Variants in OTUD7A observed in about 807,000 individuals in gnomAD.
The protein encoded by OTUD7A is OTU domain-containing protein 7A.
OTUD7A carries 12 observed loss-of-function variants against 65.7 expected under a neutral mutation model. The ratio of observed to expected loss-of-function variants is 0.18; its 90% CI spans 0.12 to 0.30. OTUD7A has a LOEUF of 0.30. Ranked by LOEUF, OTUD7A falls within the 10% of genes least tolerant of loss-of-function variation. The probability of loss-of-function intolerance (pLI) is 1.00; values close to 1 mark genes in which losing one functional copy is unlikely to be tolerated. For synonymous variants in OTUD7A, 641 were observed against 586.3 expected (o/e 1.09, Z -1.35); for missense variants, 1,148 against 1,304.8 (o/e 0.88, Z 1.85).
At chr15:31,865,186 A>G (rs1321451171) in intron 1 of OTUD7A, among the ~76,000 whole-genome samples, 1 of 152,234 alleles carries the variant, frequency 6.6e-6, no homozygotes, top group Non-Finnish European at 1.5e-5. Flanking sequence ...CATACATTTT[A>G]AAAAGAAAAA....
intron 1 of OTUD7A, among the ~76,000 whole-genome samples, chr15:31,854,901 A>G (rs1384621308): frequency 6.6e-6 from 1 of 152,222 alleles, no homozygotes; most frequent in African/African-American, 2.4e-5. Flanking sequence ...AGAAATAAAA[A>G]TTAAAATAAA....
chr15:31,810,550 G>A (rs1050871271), intron 1 of OTUD7A, among the ~76,000 whole-genome samples: 1 of 152,178 alleles, frequency 6.6e-6, no homozygotes, highest in Non-Finnish European at 1.5e-5. Context: ...TGCAAGCTGA[G>A]GAGAGAGCCC....
intron 5 of OTUD7A, among the ~76,000 whole-genome samples, chr15:31,545,273 C>T (rs1042699668): frequency 6.6e-6 from 1 of 151,896 alleles, no homozygotes; most frequent in African/African-American, 2.4e-5. Context: ...CATTACATAG[C>T]ACATCATTTA....
At chr15:31,709,854 T>G (rs1383504279) in intron 1 of OTUD7A, among the ~76,000 whole-genome samples, 1 of 152,066 alleles carries the variant, frequency 6.6e-6, no homozygotes, top group Non-Finnish European at 1.5e-5. Context: ...CACACACAAG[T>G]GTGTGTGTAT....
chr15:31,629,743 G>C (rs908329481), intron 3 of OTUD7A, among the ~76,000 whole-genome samples: 9 of 152,176 alleles, frequency 5.9e-5, no homozygotes, highest in African/African-American at 1.9e-4. Context: ...TGGTTGGTAA[G>C]CTATTGATTA....
chr15:31,783,375 T>C (rs1333226407), intron 1 of OTUD7A, among the ~76,000 whole-genome samples: 1 of 152,210 alleles, frequency 6.6e-6, no homozygotes, highest in Admixed American at 6.5e-5. Flanking sequence ...GATCATTCAA[T>C]GATCATTCTA....
intron 1 of OTUD7A, among the ~76,000 whole-genome samples, chr15:31,759,433 C>T (rs1391807063): frequency 2.0e-5 from 3 of 152,254 alleles, no homozygotes; most frequent in African/African-American, 7.2e-5. Flanking sequence ...TCAGGGCCTA[C>T]ATTCTGCTAA....
chr15:31,545,024 T>C (rs1888089489), intron 5 of OTUD7A, among the ~76,000 whole-genome samples: 1 of 151,932 alleles, frequency 6.6e-6, no homozygotes. Flanking sequence ...AAGCAACATA[T>C]TTCTAAGTAA....
At chr15:31,790,878 C>G (rs1895795593) in intron 1 of OTUD7A, among the ~76,000 whole-genome samples, 1 of 152,096 alleles carries the variant, frequency 6.6e-6, no homozygotes, top group Admixed American at 6.5e-5. Context: ...GGCTGAGGTC[C>G]CCTTTTCAGG....
chr15:31,678,023 T>C (rs1003167784), intron 1 of OTUD7A, among the ~76,000 whole-genome samples: 1 of 152,200 alleles, frequency 6.6e-6, no homozygotes. Flanking sequence ...ATGAGGAACT[T>C]GTTGGGAACT....
chr15:31,848,352 C>T (rs750548473), intron 1 of OTUD7A, among the ~76,000 whole-genome samples: 11 of 152,086 alleles, frequency 7.2e-5, no homozygotes, highest in Non-Finnish European at 1.5e-4. Context: ...ATGAGGGGGA[C>T]GTGCAGACCA....
intron 3 of OTUD7A, among the ~76,000 whole-genome samples, chr15:31,622,076 A>G (rs1890804740): frequency 6.6e-6 from 1 of 152,166 alleles, no homozygotes; most frequent in Non-Finnish European, 1.5e-5. Context: ...TTCTTTAACA[A>G]TGTTGAATAT....
chr15:31,781,089 C>A (rs771129463), intron 1 of OTUD7A, among the ~76,000 whole-genome samples: 8 of 152,096 alleles, frequency 5.3e-5, no homozygotes, highest in African/African-American at 1.9e-4. Context: ...GTGACCTTTT[C>A]AGCCCTTCCA....
At chr15:31,682,776 C>T (rs1892747479) in intron 1 of OTUD7A, among the ~76,000 whole-genome samples, 2 of 152,120 alleles carry the variant, frequency 1.3e-5, no homozygotes, top group African/African-American at 4.8e-5. Flanking sequence ...TGTGTGTGTG[C>T]ATGTCCATGT....
intron 3 of OTUD7A, among the ~76,000 whole-genome samples, chr15:31,620,977 C>T (rs1438463979): frequency 1.4e-5 from 2 of 140,926 alleles, no homozygotes; most frequent in Admixed American, 1.4e-4. Context: ...TCTTTGTTCT[C>T]GTTGGTTTCA....
At chr15:31,508,613 A>G (rs984111835) in intron 8 of OTUD7A, among the ~76,000 whole-genome samples, 8 of 152,322 alleles carry the variant, frequency 5.3e-5, no homozygotes, top group South Asian at 4.1e-4. Context: ...CAGCCTCTCA[A>G]AGTGCTGGGA....
Position 31,530,710 on chromosome 15 carries a change from G to A in OTUD7A, c.649C>T (p.Leu217=), listed in dbSNP as rs910813003. 2 of 1,613,932 alleles carry A rather than the reference G, an allele frequency of 1.2e-6. No individual in the cohort carries two copies. Among genetic ancestry groups the A allele is most frequent in the Admixed American group, 1.7e-5 (1 of 60,006 alleles). The change falls in exon 6 of 13, where the codon CTG becomes TTG. Residue 217 remains leucine, a synonymous_variant. Coordinates refer to ENST00000307050, the MANE Select transcript of OTUD7A (RefSeq NM_001382637.1). Reference sequence around the variant, plus strand: ...CTGTCTGTGCTGTGGAGCTTACCCAGTGAAGCAGCATGTAAAAGGCAGTTC... The same window carrying A: ...CTGTCTGTGCTGTGGAGCTTACCCAATGAAGCAGCATGTAAAAGGCAGTTC... ...DGNCLLHAAS[L]GMWGFHDRDL... is the part of the protein sequence containing the mutation.
At chr15:31,637,465 G>A (rs1891376836) in intron 3 of OTUD7A, among the ~76,000 whole-genome samples, 1 of 152,194 alleles carries the variant, frequency 6.6e-6, no homozygotes, top group South Asian at 2.1e-4. Context: ...TGATGAAGAT[G>A]TACAAGATCA....
rs180887823 is a variant in OTUD7A at position 31,825,731 on chromosome 15, C to T, written c.-100+44776G>A. Reference sequence around the variant, plus strand: ...AGCCAAGTCCCTTCCACCTATTAGCCTGTAAAATCAAAAGCAAGCTACTTA... The same window carrying T: ...AGCCAAGTCCCTTCCACCTATTAGCTTGTAAAATCAAAAGCAAGCTACTTA... On this transcript the variant is annotated intron_variant, in intron 1 of 12. Coordinates refer to ENST00000307050, the MANE Select transcript of OTUD7A (RefSeq NM_001382637.1). 6.9e-4 allele frequency among the ~76,000 whole-genome samples: 105 copies of T among 152,302 alleles called. 1 individual carries two copies. The Middle Eastern group carries it at 0.01, about 15-fold the overall frequency.
Sources: gnomAD v4.1 joint callset for allele counts (sites outside exome capture counted in the v4.1 genomes callset) on GRCh38, gnomAD v4.1.1 for gene constraint, MANE v1.5 for transcripts, NCBI Gene and HGNC (gene_info 2026-07-23, HGNC 2026-07-21) for gene names.